The following SLC9C1 variants were observed in gnomAD, a reference collection of about 807,000 sequenced individuals.
The protein encoded by SLC9C1 is sodium/hydrogen exchanger 10.
SLC9C1 carries 97 observed loss-of-function variants against 140.9 expected under a neutral mutation model. That is an observed-to-expected ratio of 0.69 (90% confidence interval 0.58 to 0.82). The LOEUF is 0.82. Among genes scored for constraint, SLC9C1 ranks in the 40% least tolerant of loss-of-function variants. SLC9C1 has a pLI of 0.00. For missense variants in SLC9C1, 1,340 were observed against 1,389.3 expected (o/e 0.96, Z 0.56); for synonymous variants, 440 against 442.6 (o/e 0.99, Z 0.07).
At chr3:112,243,581 C>T (rs1455067338) in intron 11 of SLC9C1, among the ~76,000 whole-genome samples, 2 of 152,090 alleles carry the variant, frequency 1.3e-5, no homozygotes, top group Non-Finnish European at 2.9e-5. Flanking sequence ...GAGATCTGTA[C>T]CTCAAACCTC....
At chr3:112,208,100 C>T in intron 16 of SLC9C1, 78 bp downstream of exon 16, 2 of 1,139,446 alleles carry the variant, frequency 1.8e-6, no homozygotes, top group Non-Finnish European at 2.4e-6. Context: ...TTGTCTGTTG[C>T]TGGTGTTGAA....
chr3:112,203,506 A>C (rs1169688768), intron 17 of SLC9C1, among the ~76,000 whole-genome samples: 1 of 151,956 alleles, frequency 6.6e-6, no homozygotes, highest in East Asian at 1.9e-4. Flanking sequence ...TGCATGTGTA[A>C]GAAAGATCTA....
At chr3:112,288,876 C>T (rs1055856877) in intron 1 of SLC9C1, among the ~76,000 whole-genome samples, 5 of 151,996 alleles carry the variant, frequency 3.3e-5, no homozygotes, top group African/African-American at 1.2e-4. Context: ...CCTCAGTTTT[C>T]AAATCTGTAT....
chr3:112,141,854 C>A (rs1327311477), intron 28 of SLC9C1, among the ~76,000 whole-genome samples: 1 of 152,072 alleles, frequency 6.6e-6, no homozygotes, highest in East Asian at 1.9e-4. Flanking sequence ...TTTCTAGACC[C>A]TTTTCATGTT....
intron 9 of SLC9C1, 56 bp from the exon 10 acceptor site, chr3:112,263,154 T>C: frequency 7.0e-7 from 1 of 1,431,248 alleles, no homozygotes; most frequent in Non-Finnish European, 9.4e-7. Context: ...TTCTTTCCAT[T>C]TCATGCTACT....
intron 27 of SLC9C1, among the ~76,000 whole-genome samples, chr3:112,153,358 TAAA>T (rs10575877): frequency 1.9e-3 from 278 of 148,066 alleles, no homozygotes; most frequent in Non-Finnish European, 1.7e-3. Context: ...GCAGCATTGT[TAAA>T]AAAAAAAAAA....
chr3:112,186,964 CATT>C (rs2077552265), intron 20 of SLC9C1, among the ~76,000 whole-genome samples: 1 of 152,158 alleles, frequency 6.6e-6, no homozygotes, highest in East Asian at 1.9e-4. Flanking sequence ...TGCTTCTGTT[CATT>C]ATTTCTGTTT....
At chr3:112,148,509 T>A (rs1001886625) in intron 28 of SLC9C1, among the ~76,000 whole-genome samples, 4 of 152,180 alleles carry the variant, frequency 2.6e-5, no homozygotes, top group African/African-American at 9.7e-5. Context: ...CTAGGGGGTA[T>A]GACCATAGAG....
intron 2 of SLC9C1, among the ~76,000 whole-genome samples, chr3:112,281,012 C>G (rs969636105): frequency 3.9e-5 from 6 of 152,152 alleles, no homozygotes; most frequent in African/African-American, 1.4e-4. Context: ...TCCTTAGAAA[C>G]TTAACAAACA....
intron 16 of SLC9C1, among the ~76,000 whole-genome samples, chr3:112,207,109 A>G (rs1050382982): frequency 1.3e-5 from 2 of 152,180 alleles, no homozygotes; most frequent in Non-Finnish European, 2.9e-5. Flanking sequence ...AAGGGAGAAA[A>G]TAGTCAAAAT....
At chr3:112,212,763 T>A (rs909163685) in intron 15 of SLC9C1, among the ~76,000 whole-genome samples, 1 of 152,120 alleles carries the variant, frequency 6.6e-6, no homozygotes, top group African/African-American at 2.4e-5. Flanking sequence ...GAGAATGGAA[T>A]CAAGTTGGAA....
At chr3:112,238,701 C>T (rs941980895) in intron 12 of SLC9C1, among the ~76,000 whole-genome samples, 4 of 152,188 alleles carry the variant, frequency 2.6e-5, no homozygotes, top group Non-Finnish European at 5.9e-5. Context: ...TGCAAGTCTG[C>T]TGGAGTTTGC....
At chr3:112,277,478 T>C (rs1346574709) in intron 5 of SLC9C1, among the ~76,000 whole-genome samples, 1 of 152,050 alleles carries the variant, frequency 6.6e-6, no homozygotes, top group Non-Finnish European at 1.5e-5. Flanking sequence ...TATTCCACAA[T>C]TGCGTATAAT....
In SLC9C1 at chr3:112,278,709, T is replaced by C. The variant is rs142531132; in HGVS notation, c.318+20A>G. ...TATGTGGTTCATGAATGAATGATATTACCAAAAAAGAATGCTTACCTGCCA... is the reference window on the plus strand; with the variant it reads ...TATGTGGTTCATGAATGAATGATATCACCAAAAAAGAATGCTTACCTGCCA... On this transcript the variant is annotated intron_variant, in intron 4 of 28. Coordinates refer to ENST00000305815, the MANE Select transcript of SLC9C1 (RefSeq NM_183061.3). The C allele has an allele frequency of 6.1e-5, 96 of 1,581,368 alleles. No homozygotes were observed. The highest frequency in any genetic ancestry group is 5.2e-5 in the Non-Finnish European group (61 of 1,170,832).
chr3:112,222,905 A>C (rs1034085370), intron 13 of SLC9C1, among the ~76,000 whole-genome samples: 1 of 152,142 alleles, frequency 6.6e-6, no homozygotes, highest in East Asian at 1.9e-4. Context: ...ATGTATCATT[A>C]CTTGGATAAA....
intron 28 of SLC9C1, among the ~76,000 whole-genome samples, chr3:112,150,957 C>A (rs1313893487): frequency 6.6e-6 from 1 of 150,936 alleles, no homozygotes; most frequent in Non-Finnish European, 1.5e-5. Flanking sequence ...CCTGCCTCAG[C>A]CCCCTGAGTA....
At chr3:112,176,773 A>AAG (rs2077344501) in intron 23 of SLC9C1, among the ~76,000 whole-genome samples, 2 of 152,132 alleles carry the variant, frequency 1.3e-5, no homozygotes, top group African/African-American at 4.8e-5. Context: ...TCAGGTATCT[A>AAG]AGACAGTGTA....
At chr3:112,228,594 C>G (rs1020882476) in intron 13 of SLC9C1, among the ~76,000 whole-genome samples, 21 of 152,028 alleles carry the variant, frequency 1.4e-4, no homozygotes, top group African/African-American at 4.6e-4. Context: ...AATAATGAGG[C>G]AACCTGCAGA....
chr3:112,200,602 G>T, intron 19 of SLC9C1, 109 bp downstream of exon 19: 1 of 901,868 alleles, frequency 1.1e-6, no homozygotes, highest in Non-Finnish European at 1.8e-6. Context: ...CTTCAGTATT[G>T]TTAGTGAGTA....
Sources: gnomAD v4.1 joint callset for allele counts (sites outside exome capture counted in the v4.1 genomes callset) on GRCh38, gnomAD v4.1.1 for gene constraint, MANE v1.5 for transcripts, NCBI Gene and HGNC (gene_info 2026-07-23, HGNC 2026-07-21) for gene names.